Variants in KIAA0319L observed in about 807,000 individuals in gnomAD.
KIAA0319L encodes the protein dyslexia-associated protein KIAA0319-like protein.
KIAA0319L carries 55 observed loss-of-function variants against 120.1 expected under a neutral mutation model. That is an observed-to-expected ratio of 0.46 (90% CI 0.37 to 0.57). The LOEUF is 0.57. Among genes scored for constraint, KIAA0319L ranks in the 20% least tolerant of loss-of-function variants. The pLI, the probability that KIAA0319L is intolerant of heterozygous loss-of-function variation, is 0.00. For synonymous variants in KIAA0319L, 398 were observed against 471.9 expected, an observed-to-expected ratio of 0.84 and a Z score of 2.03; for missense variants, 1,049 against 1,255.3, an observed-to-expected ratio of 0.84 and a Z score of 2.48.
chr1:35,507,088 C>A lies in KIAA0319L; in HGVS notation c.190G>T (p.Gly64Cys). The A allele has an allele frequency of 6.5e-7, 1 of 1,549,288 alleles. No individual in the cohort carries two copies. The highest frequency in any genetic ancestry group is 8.7e-7 in the Non-Finnish European group (1 of 1,149,322). Residue 64 changes from glycine (G) to cysteine (C), a missense_variant, in exon 3 of 21, where the codon GGC becomes TGC. Coordinates refer to ENST00000325722, the MANE Select transcript of KIAA0319L (RefSeq NM_024874.5). ...CQQGKTQFGVGLRSGGENHLW... is the reference protein window; with the variant it reads ...CQQGKTQFGVCLRSGGENHLW... ...TGATTTTCTCCCCCAGATCTCAGGC[C>A]AACTCCAAATTGTGTCTTCCCCTGC...
intron 12 of KIAA0319L, 51 bp from the exon 13 acceptor site, chr1:35,451,827 T>C: frequency 1.3e-6 from 2 of 1,578,952 alleles, no homozygotes; most frequent in Non-Finnish European, 1.7e-6. Context: ...GCTGCTGTCC[T>C]GTCCCTAACT....
At chr1:35,462,825 CT>C in intron 7 of KIAA0319L, 112 bp from the exon 8 acceptor site, 9 of 787,694 alleles carry the variant, frequency 1.1e-5, no homozygotes, top group East Asian at 3.0e-5. Context: ...GGTCCCTAGC[CT>C]TTTTGGCACC....
At chr1:35,501,952 T>C (rs1645022953) in intron 3 of KIAA0319L, among the ~76,000 whole-genome samples, 1 of 150,284 alleles carries the variant, frequency 6.7e-6, no homozygotes. Context: ...TTGTACCACA[T>C]ACCTAGCTGT....
At position 35,479,018 on chromosome 1, in the gene KIAA0319L, A is replaced by C; in HGVS notation, c.861T>G (p.Tyr287Ter). The change falls in exon 4 of 21, where the codon TAT becomes TAG. Residue 287 changes from tyrosine to a stop codon, truncating the protein, a stop_gained. Transcript: ENST00000325722. LOFTEE classifies it high-confidence loss of function. ...AAGAGGCCTGGGGGGTAGGGGTAGC[A>C]TAACTGTAGGAGGGAGCCACTGGCT... The part of the protein sequence containing the change: ...VPQPVAPSYS[Y>*]ATPTPQASFQ... 1 of 1,614,164 alleles carries C rather than the reference A, an allele frequency of 6.2e-7. No homozygotes were observed. Among genetic ancestry groups the C allele is most frequent in the Non-Finnish European group, 8.5e-7 (1 of 1,180,028 alleles).
intron 5 of KIAA0319L, among the ~76,000 whole-genome samples, chr1:35,473,602 C>T (rs1038544208): frequency 2.0e-5 from 3 of 152,150 alleles, no homozygotes; most frequent in African/African-American, 7.2e-5. Context: ...ATCACCTTAA[C>T]TTGTCACCAG....
chr1:35,472,101 A>T (rs1018508684), intron 5 of KIAA0319L, among the ~76,000 whole-genome samples: 1 of 152,266 alleles, frequency 6.6e-6, no homozygotes, highest in Non-Finnish European at 1.5e-5. Flanking sequence ...CAGTTTGGGA[A>T]CAGATAATTT....
At chr1:35,435,466 T>C (rs1403523706) in intron 20 of KIAA0319L, 1 of 178,252 alleles carries the variant, frequency 5.6e-6, no homozygotes, top group Non-Finnish European at 1.2e-5. Flanking sequence ...GAACTCAGGC[T>C]CTGGAGAATG....
At chr1:35,486,997 G>A (rs898215419) in intron 3 of KIAA0319L, among the ~76,000 whole-genome samples, 4 of 152,180 alleles carry the variant, frequency 2.6e-5, no homozygotes, top group African/African-American at 9.7e-5. Flanking sequence ...TCCAACATCT[G>A]AGTCAACTTG....
At chr1:35,496,420 AAAAAAAT>A (rs1205280882) in intron 3 of KIAA0319L, among the ~76,000 whole-genome samples, 1 of 152,182 alleles carries the variant, frequency 6.6e-6, no homozygotes, top group Non-Finnish European at 1.5e-5. Flanking sequence ...ACTCCGTCTC[AAAAAAAT>A]AAAAAATAAA....
chr1:35,466,883 T>G (rs1462265160), intron 6 of KIAA0319L, among the ~76,000 whole-genome samples, 188 bp from the exon 7 acceptor site: 1 of 152,162 alleles, frequency 6.6e-6, no homozygotes, highest in East Asian at 1.9e-4. Flanking sequence ...CTTGAGTTCC[T>G]GAGTTCAAGA....
At chr1:35,465,675 G>A (rs1643206980) in intron 7 of KIAA0319L, among the ~76,000 whole-genome samples, 1 of 152,122 alleles carries the variant, frequency 6.6e-6, no homozygotes, top group Non-Finnish European at 1.5e-5. Flanking sequence ...GCCAGGGGTG[G>A]AATGATATGG....
intron 2 of KIAA0319L, among the ~76,000 whole-genome samples, chr1:35,534,858 C>CAAAAA (rs779838672): frequency 3.8e-4 from 16 of 42,592 alleles, no homozygotes; most frequent in South Asian, 8.6e-4. Context: ...GACTCCGTCT[C>CAAAAA]AAAAAAAAAA....
At chr1:35,474,249 T>C (rs1409868016) in intron 5 of KIAA0319L, among the ~76,000 whole-genome samples, 1 of 152,144 alleles carries the variant, frequency 6.6e-6, no homozygotes, top group Non-Finnish European at 1.5e-5. Flanking sequence ...CACGCTTGGG[T>C]TCAAATCTCA....
chr1:35,550,512 G>A (rs554509271), intron 2 of KIAA0319L, among the ~76,000 whole-genome samples: 59 of 152,176 alleles, frequency 3.9e-4, no homozygotes, highest in Middle Eastern at 3.4e-3. Flanking sequence ...GTATACCAAA[G>A]AAAGGCCTGG....
At chr1:35,436,410 C>T (rs1197380851) in intron 20 of KIAA0319L, among the ~76,000 whole-genome samples, 2 of 152,274 alleles carry the variant, frequency 1.3e-5, no homozygotes, top group Admixed American at 6.5e-5. Flanking sequence ...ACTGAGTCTT[C>T]GGGCAGCGGA....
At chr1:35,516,483 T>C (rs1002411849) in intron 2 of KIAA0319L, among the ~76,000 whole-genome samples, 2 of 152,144 alleles carry the variant, frequency 1.3e-5, no homozygotes, top group African/African-American at 4.8e-5. Flanking sequence ...AGAAAAGGCT[T>C]TCTATAAAAT....
At chr1:35,460,259 G>T in intron 9 of KIAA0319L, 46 bp downstream of exon 9, 1 of 1,534,366 alleles carries the variant, frequency 6.5e-7, no homozygotes, top group South Asian at 1.2e-5. Context: ...CCCACGAGAG[G>T]CAAAAAAATG....
intron 5 of KIAA0319L, 83 bp from the exon 6 acceptor site, chr1:35,471,043 C>A: frequency 1.2e-6 from 1 of 819,690 alleles, no homozygotes; most frequent in Non-Finnish European, 2.2e-6. Flanking sequence ...AATAACAAAT[C>A]TCTTCTGATC....
At chr1:35,487,114 T>C (rs1419956016) in intron 3 of KIAA0319L, among the ~76,000 whole-genome samples, 1 of 152,170 alleles carries the variant, frequency 6.6e-6, no homozygotes, top group South Asian at 2.1e-4. Context: ...TTCTGATACA[T>C]GTAGTGACTC....
Sources: allele counts gnomAD v4.1 joint callset (sites outside exome capture counted in the v4.1 genomes callset), GRCh38; gene constraint gnomAD v4.1.1; transcripts MANE v1.5; gene names NCBI Gene and HGNC (gene_info 2026-07-23, HGNC 2026-07-21).